RNF150: variants seen among roughly 807,000 people sequenced by gnomAD.
RNF150 encodes ring finger protein 150.
A neutral mutation model predicts 39.3 loss-of-function variants in RNF150; 24 were observed. The ratio of observed to expected loss-of-function variants is 0.61; its 90% CI spans 0.44 to 0.86. RNF150 has a LOEUF of 0.86. Ranked by LOEUF, RNF150 falls within the 40% of genes least tolerant of loss-of-function variation. The probability of loss-of-function intolerance (pLI) is 0.00; values close to 1 mark genes in which losing one functional copy is unlikely to be tolerated. For missense variants in RNF150, 502 were observed against 587.8 expected (o/e 0.85, Z 1.51); for synonymous variants, 255 against 227.3 (o/e 1.12, Z -1.10).
intron 1 of RNF150, among the ~76,000 whole-genome samples, chr4:141,052,163 C>T (rs1182032611): frequency 6.6e-6 from 1 of 152,110 alleles, no homozygotes; most frequent in Non-Finnish European, 1.5e-5. Context: ...CCACTTCCTC[C>T]CATGACACAT....
At chr4:140,972,442 T>C (rs1294204743) in intron 1 of RNF150, among the ~76,000 whole-genome samples, 2 of 152,192 alleles carry the variant, frequency 1.3e-5, no homozygotes, top group Non-Finnish European at 2.9e-5. Context: ...TTAGAAAATA[T>C]ATTAGTACAT....
chr4:140,885,257 G>A (rs1030271340), intron 6 of RNF150, among the ~76,000 whole-genome samples: 7 of 144,986 alleles, frequency 4.8e-5, no homozygotes, highest in African/African-American at 1.5e-4. Flanking sequence ...CTGGAGTGCA[G>A]TGGTGTGACC....
At chr4:141,134,056 A>G (rs529832042), upstream of RNF150, among the ~76,000 whole-genome samples, 5 of 152,306 alleles carry the variant, frequency 3.3e-5, no homozygotes, top group Admixed American at 3.3e-4. Context: ...AACATCTAAC[A>G]TTCGTTTTCT....
intron 6 of RNF150, among the ~76,000 whole-genome samples, chr4:140,877,072 T>C (rs929663317): frequency 6.6e-6 from 1 of 152,172 alleles, no homozygotes; most frequent in Non-Finnish European, 1.5e-5. Context: ...TTAGATCACA[T>C]AGTTAGGATT....
At position 141,052,116 on chromosome 4, in the gene RNF150, A is replaced by C. The variant is rs545575788; in HGVS notation, c.484+80209T>G. Among the ~76,000 whole-genome samples the C allele has an allele frequency of 2.2e-3, 340 of 152,216 alleles. 1 individual carries two copies. Among genetic ancestry groups the C allele is most frequent in the Non-Finnish European group, 3.7e-3 (255 of 68,010 alleles). The stretch of plus-strand genomic sequence containing the variant: ...TCATTCACTATCATGAGAACAGTGC[A>C]GAAAAGACCCACCCCTCATAATCCA... On this transcript the variant is annotated intron_variant, in intron 1 of 6. Transcript: ENST00000515673.
At chr4:140,994,202 G>C (rs115592768) in intron 1 of RNF150, among the ~76,000 whole-genome samples, 299 of 152,306 alleles carry the variant, frequency 2.0e-3, no homozygotes, top group Non-Finnish European at 3.3e-3. Flanking sequence ...CCAAGGTCAT[G>C]CCTGCTTCAA....
chr4:140,918,360 C>T (rs556266904), intron 5 of RNF150, among the ~76,000 whole-genome samples: 15 of 152,098 alleles, frequency 9.9e-5, no homozygotes, highest in East Asian at 3.9e-4. Flanking sequence ...ATATCACCAC[C>T]GATCCCACAG....
intron 1 of RNF150, among the ~76,000 whole-genome samples, chr4:141,167,737 C>T (rs1727628179): frequency 6.6e-6 from 1 of 152,080 alleles, no homozygotes; most frequent in Non-Finnish European, 1.5e-5. Flanking sequence ...ACTGGCTAGC[C>T]ATATGCAGAA....
chr4:140,958,767 G>A lies in RNF150; in HGVS notation c.735+8856C>T, dbSNP rs1732888425. ...AAGTCCACACACTGGTGGCATCGATGGGCTATTTTCTTAAAGTACTCATCC... is the reference window on the plus strand; with the variant it reads ...AAGTCCACACACTGGTGGCATCGATAGGCTATTTTCTTAAAGTACTCATCC... On this transcript the variant is annotated intron_variant, in intron 2 of 6. Coordinates refer to ENST00000515673, the MANE Select transcript of RNF150 (RefSeq NM_020724.2). Among the ~76,000 whole-genome samples the A allele has an allele frequency of 2.0e-5, 3 of 152,036 alleles. No homozygotes were observed. The South Asian group carries it at 6.2e-4, about 32-fold the overall frequency.
At chr4:140,982,843 C>A (rs1395854733) in intron 1 of RNF150, among the ~76,000 whole-genome samples, 3 of 152,120 alleles carry the variant, frequency 2.0e-5, no homozygotes, top group Admixed American at 6.5e-5. Flanking sequence ...CCTTGGCATA[C>A]TTAGTTTCTG....
intron 1 of RNF150, among the ~76,000 whole-genome samples, chr4:141,126,095 T>TAC (rs139608178): frequency 0.013 from 1,943 of 150,182 alleles, 38 homozygotes; most frequent in African/African-American, 0.043. Context: ...AATAAATACA[T>TAC]ACACACACAC....
chr4:140,919,317 T>A (rs1219400226), intron 5 of RNF150, among the ~76,000 whole-genome samples: 2 of 143,544 alleles, frequency 1.4e-5, no homozygotes, highest in African/African-American at 5.2e-5. Context: ...CTCCTTAAGC[T>A]GATAAGCAAC....
chr4:140,963,039 C>T (rs1161753173), intron 2 of RNF150, among the ~76,000 whole-genome samples: 1 of 151,774 alleles, frequency 6.6e-6, no homozygotes, highest in Non-Finnish European at 1.5e-5. Context: ...ATTAAAAATA[C>T]CTGAAAGGTA....
intron 1 of RNF150, among the ~76,000 whole-genome samples, chr4:140,981,278 C>T (rs975792497): frequency 5.3e-5 from 8 of 152,122 alleles, no homozygotes; most frequent in Non-Finnish European, 1.2e-4. Context: ...TTTGCATATA[C>T]ATAATGAGAC....
chr4:140,907,516 G>T (rs977207319), intron 6 of RNF150, among the ~76,000 whole-genome samples: 1 of 152,086 alleles, frequency 6.6e-6, no homozygotes. Flanking sequence ...GTGCTGAAAT[G>T]ACCTTGACAT....
chr4:141,126,804 A>C (rs914670115), intron 1 of RNF150, among the ~76,000 whole-genome samples: 3 of 152,226 alleles, frequency 2.0e-5, no homozygotes, highest in African/African-American at 7.2e-5. Flanking sequence ...TTAGAGATCA[A>C]CTAAACCAAA....
At chr4:140,979,052 C>T (rs1444946115) in intron 1 of RNF150, among the ~76,000 whole-genome samples, 5 of 152,140 alleles carry the variant, frequency 3.3e-5, no homozygotes, top group African/African-American at 1.2e-4. Flanking sequence ...AGGACCCCCA[C>T]ATATACCAAA....
chr4:141,209,818 C>T (rs1728434878), intron 1 of RNF150, among the ~76,000 whole-genome samples: 1 of 151,820 alleles, frequency 6.6e-6, no homozygotes, highest in African/African-American at 2.4e-5. Flanking sequence ...ATAGCCTGGG[C>T]AATATAGCAA....
chr4:141,070,586 C>CAT (rs1560721212), intron 1 of RNF150, among the ~76,000 whole-genome samples: 5 of 150,298 alleles, frequency 3.3e-5, no homozygotes, highest in African/African-American at 1.2e-4. Context: ...TGAACAGACA[C>CAT]TTGTCAAAAG....
Sources: gnomAD v4.1 joint callset for allele counts (sites outside exome capture counted in the v4.1 genomes callset) on GRCh38, gnomAD v4.1.1 for gene constraint, MANE v1.5 for transcripts, NCBI Gene and HGNC (gene_info 2026-07-23, HGNC 2026-07-21) for gene names.